TMEM94: variants seen among roughly 807,000 people sequenced by gnomAD.
TMEM94 encodes ER Mg2+ ATPase.
A neutral mutation model predicts 158.6 loss-of-function variants in TMEM94; 81 were observed. That is an observed-to-expected ratio of 0.51 (90% confidence interval 0.43 to 0.61). The LOEUF is 0.61. TMEM94 is among the 20% of genes least tolerant of loss of function. The pLI, the probability that TMEM94 is intolerant of heterozygous loss-of-function variation, is 0.00. For missense variants in TMEM94, 1,435 were observed against 1,762.0 expected (o/e 0.81, Z 3.32); for synonymous variants, 751 against 730.7 (o/e 1.03, Z -0.45).
intron 1 of TMEM94, among the ~76,000 whole-genome samples, chr17:75,465,495 A>G (rs1017533436): frequency 2.6e-5 from 4 of 151,232 alleles, no homozygotes; most frequent in African/African-American, 9.8e-5. Flanking sequence ...CAGTGGCGAG[A>G]TCATGGCTCA....
rs1318805045 is a variant in TMEM94, at chr17:75,493,607, C to T, written c.2189+14C>T. The T allele has an allele frequency of 6.2e-7, 1 of 1,613,442 alleles. No individual in the cohort carries two copies. The highest frequency in any genetic ancestry group is 1.7e-5 in the Admixed American group (1 of 60,012). On this transcript the variant is annotated intron_variant, in intron 17 of 31. Coordinates refer to ENST00000314256, the MANE Select transcript of TMEM94 (RefSeq NM_014738.6). ...GGGATCTGACAGGTGGGTGAGGAAG[C>T]ACATGCCAGCAGCAAGAGCAGTCGC...
rs1166348156 is a variant in TMEM94 at position 75,485,592 on chromosome 17, G to A, written c.144+45G>A. On this transcript the variant is annotated intron_variant, in intron 3 of 31. Coordinates refer to ENST00000314256, the MANE Select transcript of TMEM94 (RefSeq NM_014738.6). This position sits in a 1 kb window ranked among gnomAD's most constrained non-coding sequence, Gnocchi z 5.5. ...CTACCAGGGCCTGGCTGGGATGGCA[G>A]GGAAGTGTGGGAGGCCCCTTCTCAG... 5 of 1,612,912 alleles carry A rather than the reference G, an allele frequency of 3.1e-6. No individual in the cohort carries two copies. The highest frequency in any genetic ancestry group is 4.2e-6 in the Non-Finnish European group (5 of 1,179,126).
At chr17:75,493,965 C>T in intron 18 of TMEM94, 49 bp downstream of exon 18, 2 of 1,559,354 alleles carry the variant, frequency 1.3e-6, no homozygotes, top group Non-Finnish European at 1.7e-6. Context: ...CTCCCCTGGG[C>T]TGCCGAAGCC....
Position 75,498,368 on chromosome 17 carries a change from G to C in TMEM94, c.3638+45G>C, listed in dbSNP as rs372473678. The C allele has an allele frequency of 6.8e-6, 11 of 1,612,180 alleles. No individual in the cohort carries two copies. Among genetic ancestry groups the C allele is most frequent in the Non-Finnish European group, 9.3e-6 (11 of 1,179,420 alleles). The stretch of plus-strand genomic sequence containing the variant: ...ATCCACCCATCGCCTGCCTCGCCTC[G>C]AGGCTTCCTCCCTCCCCACCCCAGC... On this transcript the variant is annotated intron_variant, in intron 28 of 31. Transcript: ENST00000314256. This position sits in a 1 kb window ranked among gnomAD's most constrained non-coding sequence, Gnocchi z 6.7.
intron 2 of TMEM94, among the ~76,000 whole-genome samples, chr17:75,478,161 G>A (rs1487062510): frequency 2.9e-4 from 30 of 104,294 alleles, no homozygotes; most frequent in Non-Finnish European, 3.6e-4. Context: ...GACGACAGGC[G>A]CCCGCCACTA....
At chr17:75,468,606 C>T (rs558570284) in intron 1 of TMEM94, among the ~76,000 whole-genome samples, 1 of 152,312 alleles carries the variant, frequency 6.6e-6, no homozygotes, top group East Asian at 1.9e-4. Context: ...AGGCCACTTC[C>T]AGCGTCACTG....
chr17:75,460,998 G>C (rs755771291), intron 1 of TMEM94, among the ~76,000 whole-genome samples: 8 of 149,968 alleles, frequency 5.3e-5, no homozygotes, highest in South Asian at 2.1e-4. Context: ...TCCCACCCCC[G>C]GCAACCATCT....
intron 2 of TMEM94, among the ~76,000 whole-genome samples, chr17:75,481,441 C>T (rs544059176): frequency 3.3e-5 from 5 of 152,328 alleles, no homozygotes; most frequent in African/African-American, 4.8e-5. Context: ...GGCCAGGCCC[C>T]GTCCCTCAGG....
intron 31 of TMEM94, 54 bp downstream of exon 31, chr17:75,499,136 GT>G (rs912292115): frequency 1.3e-5 from 20 of 1,580,642 alleles, no homozygotes; most frequent in Non-Finnish European, 1.7e-5. Context: ...CCCTAAACCT[GT>G]TACTCCCTTG....
chr17:75,494,004 C>G lies in TMEM94; in HGVS notation c.2407+88C>G, dbSNP rs912946910. The G allele has an allele frequency of 2.3e-6, 3 of 1,288,076 alleles. No individual in the cohort carries two copies. In the African/African-American group the frequency reaches 4.4e-5, roughly 19 times the overall value. 79.8% of individuals were successfully genotyped at this position (1,288,076 alleles called of 1,614,324 possible). On this transcript the variant is annotated intron_variant, in intron 18 of 31. Transcript: ENST00000314256. ...GAGCAGGGAGGGCGTCTGGAGGGCC[C>G]CGGCACCCCCCACAGCAAAGGGGGC... is the stretch of plus-strand genomic sequence containing the variant.
At chr17:75,460,293 C>T (rs1203505033) in intron 1 of TMEM94, among the ~76,000 whole-genome samples, 2 of 152,172 alleles carry the variant, frequency 1.3e-5, no homozygotes, top group African/African-American at 4.8e-5. Context: ...ATTTTCATAA[C>T]TTCAAGGGCT....
intron 2 of TMEM94, among the ~76,000 whole-genome samples, chr17:75,483,743 G>A (rs1214753471): frequency 6.6e-6 from 1 of 152,094 alleles, no homozygotes; most frequent in Non-Finnish European, 1.5e-5. Context: ...GGGATTACAG[G>A]CGTGAGTTCG....
Position 75,496,068 on chromosome 17 carries a change from A to G in TMEM94, c.3047A>G (p.Asp1016Gly). 6.2e-7 allele frequency: 1 copy of G among 1,610,182 alleles called. No homozygotes were observed. ...AACAGCTGCCTCTTCCTCCAGAGCG[A>G]CATCAGGTCAGGGCGGGACCCTGGA... ...LRNSCLFLQSDISIALDPLYP... is the reference protein window; with the variant it reads ...LRNSCLFLQSGISIALDPLYP... Residue 1016 changes from aspartate to glycine, a missense_variant, in exon 23 of 32, where the codon GAC becomes GGC. Coordinates refer to ENST00000314256, the MANE Select transcript of TMEM94 (RefSeq NM_014738.6).
intron 2 of TMEM94, chr17:75,476,519 C>T: frequency 7.0e-7 from 1 of 1,421,126 alleles, no homozygotes; most frequent in African/African-American, 1.4e-5. Context: ...CAGATTGAAG[C>T]TCTGCTCTGC....
intron 11 of TMEM94, 45 bp downstream of exon 11, chr17:75,490,803 C>A: frequency 6.4e-7 from 1 of 1,562,750 alleles, no homozygotes; most frequent in Non-Finnish European, 8.8e-7. Context: ...GTCCCTAGAG[C>A]CATAACCCTG....
At position 75,499,262 on chromosome 17, in the gene TMEM94, G is replaced by A; in HGVS notation, c.3999G>A (p.Arg1333=). 1.2e-6 allele frequency: 2 copies of A among 1,613,604 alleles called. No individual in the cohort carries two copies. The highest frequency in any genetic ancestry group is 1.7e-6 in the Non-Finnish European group (2 of 1,179,952). ...TNEIVKLHEI[R]VRVRYQKRQK... ...GTACTTTAATCTCCTGCCCCACCAGGGTCCGAGTCCGCTACCAGAAGCGAC... is the reference window on the plus strand; with the variant it reads ...GTACTTTAATCTCCTGCCCCACCAGAGTCCGAGTCCGCTACCAGAAGCGAC... The change falls in exon 32 of 32, where the codon CGG becomes CGA. Residue 1333 remains arginine (R), a splice_region_variant and synonymous_variant. Transcript: ENST00000314256.
chr17:75,488,617 T>C (rs1049344553), intron 6 of TMEM94, 142 bp from the exon 7 acceptor site: 3 of 932,440 alleles, frequency 3.2e-6, no homozygotes, highest in African/African-American at 1.6e-5. Context: ...AAAAGTCTAG[T>C]CCCACAGGCC....
At chr17:75,478,282 G>T (rs2050864322) in intron 2 of TMEM94, among the ~76,000 whole-genome samples, 1 of 140,600 alleles carries the variant, frequency 7.1e-6, no homozygotes, top group Non-Finnish European at 1.5e-5. Flanking sequence ...CTCCCAAAGT[G>T]CTGGGATTAC....
At position 75,492,721 on chromosome 17, in the gene TMEM94, A is replaced by T; in HGVS notation, c.1844A>T (p.Gln615Leu). The T allele has an allele frequency of 6.2e-7, 1 of 1,611,738 alleles. No individual in the cohort carries two copies. Among genetic ancestry groups the T allele is most frequent in the Non-Finnish European group, 8.5e-7 (1 of 1,179,984 alleles). The change falls in exon 15 of 32, where the codon CAA becomes CTA. Residue 615 changes from glutamine to leucine, a missense_variant. Physicochemically the swap from Gln to Leu is moderately radical, Grantham distance 113 (BLOSUM62 -2). This residue lies in a region of TMEM94 where 1,051 missense variants were observed against 1,254.4 expected (regional missense o/e 0.84). Coordinates refer to ENST00000314256, the MANE Select transcript of TMEM94 (RefSeq NM_014738.6). This position sits in a 1 kb window ranked among gnomAD's most constrained non-coding sequence, Gnocchi z 4.4. Reference protein sequence around the residue: ...FSDHLCNIALQESHSAVLPVH... With the variant: ...FSDHLCNIALLESHSAVLPVH... ...GACCACCTGTGCAACATCGCCCTGC[A>T]AGAGAGCCACAGCGCCGTGCTGCCC...
Sources: gnomAD v4.1 joint callset for allele counts (sites outside exome capture counted in the v4.1 genomes callset) on GRCh38, gnomAD v4.1.1 for gene constraint, gnomAD v4.1.1 regional missense constraint, Gnocchi (gnomAD v3.1) non-coding constraint, MANE v1.5 for transcripts, NCBI Gene and HGNC (gene_info 2026-07-23, HGNC 2026-07-21) for gene names.